Variants in TRIM2 observed in about 807,000 individuals in gnomAD.
TRIM2 encodes tripartite motif containing 2, also known as tripartite motif-containing protein 2.
TRIM2 carries 20 observed loss-of-function variants against 75.2 expected under a neutral mutation model. The observed-to-expected ratio is 0.27, with a 90% CI of 0.19 to 0.39. TRIM2 has a LOEUF of 0.39. TRIM2 is among the 10% of genes least tolerant of loss of function. The pLI, the probability that TRIM2 is intolerant of heterozygous loss-of-function variation, is 1.00. For synonymous variants in TRIM2, 373 were observed against 388.3 expected, an observed-to-expected ratio of 0.96 and a Z score of 0.46; for missense variants, 660 against 990.8, an observed-to-expected ratio of 0.67 and a Z score of 4.48.
At chr4:153,169,032 T>C (rs1730580849) in intron 1 of TRIM2, among the ~76,000 whole-genome samples, 1 of 152,162 alleles carries the variant, frequency 6.6e-6, no homozygotes, top group Non-Finnish European at 1.5e-5. Context: ...AGTGAGCTGA[T>C]TGTACCACTG....
At chr4:153,216,369 C>T (rs1284580010) in intron 1 of TRIM2, among the ~76,000 whole-genome samples, 1 of 152,152 alleles carries the variant, frequency 6.6e-6, no homozygotes, top group Non-Finnish European at 1.5e-5. Flanking sequence ...TATTTTAGTA[C>T]TTACTTTCCT....
chr4:153,233,365 G>T (rs1744167429), intron 1 of TRIM2, among the ~76,000 whole-genome samples: 1 of 152,096 alleles, frequency 6.6e-6, no homozygotes, highest in African/African-American at 2.4e-5. Context: ...AAATGGTGTG[G>T]GGGGTTTTTA....
chr4:153,285,871 C>G (rs1380339151), intron 3 of TRIM2, among the ~76,000 whole-genome samples: 2 of 151,900 alleles, frequency 1.3e-5, no homozygotes, highest in African/African-American at 2.4e-5. Flanking sequence ...CATTTTATTT[C>G]TTTTTCTTGC....
Position 153,335,887 on chromosome 4 carries a change from A to G in TRIM2, c.*921A>G. 7.1e-6 allele frequency: 7 copies of G among 985,852 alleles called. No individual in the cohort carries two copies. The highest frequency in any genetic ancestry group is 1.7e-5 in the African/African-American group (1 of 57,352). The allele number at this position is 985,852 out of a possible 1,614,324, so 61.1% of individuals were successfully genotyped here. ...CAAATGTCAGCACATGTAGTAGGAC[A>G]CCAGTATCCTAGGACAGAGAGCCAT... On this transcript the variant is annotated 3_prime_UTR_variant, in exon 12 of 12. Coordinates refer to ENST00000338700, the MANE Select transcript of TRIM2 (RefSeq NM_015271.5).
chr4:153,316,110 C>T (rs1299427383), intron 8 of TRIM2, 111 bp downstream of exon 8: 6 of 1,029,050 alleles, frequency 5.8e-6, no homozygotes, highest in Non-Finnish European at 8.2e-6. Flanking sequence ...AACAATTCTT[C>T]ATACACAAAG....
intron 1 of TRIM2, among the ~76,000 whole-genome samples, chr4:153,221,953 AAGG>A (rs781047617): frequency 2.5e-4 from 21 of 83,888 alleles, no homozygotes; most frequent in Non-Finnish European, 4.6e-4. Context: ...GTGAGGAAGG[AAGG>A]AAAGAGGGAG....
intron 1 of TRIM2, among the ~76,000 whole-genome samples, chr4:153,265,976 AACAG>A (rs1020329773): frequency 2.0e-5 from 3 of 152,278 alleles, no homozygotes; most frequent in Non-Finnish European, 4.4e-5. Context: ...TGGTTAAGAA[AACAG>A]ACAGGCTCTC....
chr4:153,308,689 C>G (rs1347618502), intron 6 of TRIM2: 1 of 566,520 alleles, frequency 1.8e-6, no homozygotes, highest in East Asian at 4.7e-5. Flanking sequence ...TTTGACTGAC[C>G]CAAATGCACT....
intron 1 of TRIM2, among the ~76,000 whole-genome samples, chr4:153,255,398 T>G (rs1349995590): frequency 6.6e-6 from 1 of 152,142 alleles, no homozygotes; most frequent in Non-Finnish European, 1.5e-5. Context: ...AAGAAGAGAA[T>G]GAGAGAGATC....
intron 1 of TRIM2, among the ~76,000 whole-genome samples, chr4:153,269,362 C>T (rs932491631): frequency 3.9e-5 from 6 of 152,176 alleles, no homozygotes; most frequent in Admixed American, 3.9e-4. Flanking sequence ...GCAAGATCAT[C>T]TCCTTGCAGT....
intron 1 of TRIM2, among the ~76,000 whole-genome samples, chr4:153,157,450 A>G (rs977949545): frequency 6.6e-6 from 1 of 152,166 alleles, no homozygotes; most frequent in Admixed American, 6.5e-5. Context: ...GCCCAGGGAA[A>G]AGGAAAGGAA....
At chr4:153,231,881 C>A (rs1217690992) in intron 1 of TRIM2, among the ~76,000 whole-genome samples, 1 of 152,140 alleles carries the variant, frequency 6.6e-6, no homozygotes, top group African/African-American at 2.4e-5. Context: ...CCCTAAAGAC[C>A]TACACTGTAC....
At chr4:153,308,600 T>C (rs1021194812) in intron 6 of TRIM2, 1 of 651,096 alleles carries the variant, frequency 1.5e-6, no homozygotes, top group African/African-American at 1.8e-5. Context: ...TTGACAGTGG[T>C]GATCTCATCC....
At chr4:153,289,596 A>G (rs1417999109) in intron 3 of TRIM2, among the ~76,000 whole-genome samples, 3 of 152,154 alleles carry the variant, frequency 2.0e-5, no homozygotes, top group Non-Finnish European at 4.4e-5. Flanking sequence ...CTGTCTTCCA[A>G]TGAGTATTCT....
chr4:153,316,889 T>TTTTTTG (rs1767732559), intron 8 of TRIM2, among the ~76,000 whole-genome samples: 1 of 130,614 alleles, frequency 7.7e-6, no homozygotes, highest in African/African-American at 3.1e-5. Flanking sequence ...TTTTTTTTTT[T>TTTTTTG]TTTTTTTTTG....
intron 6 of TRIM2, among the ~76,000 whole-genome samples, chr4:153,298,751 T>C (rs1298905364): frequency 1.3e-5 from 2 of 152,176 alleles, no homozygotes; most frequent in Admixed American, 6.5e-5. Context: ...TTCTTGTTAT[T>C]GAAACAGGGC....
upstream of TRIM2, among the ~76,000 whole-genome samples, chr4:153,202,817 G>A: frequency 6.7e-6 from 1 of 150,372 alleles, no homozygotes; most frequent in South Asian, 2.1e-4. Flanking sequence ...TTTAAAAGGG[G>A]AATTTAAGGC....
At chr4:153,154,877 C>T (rs571633175) in intron 1 of TRIM2, among the ~76,000 whole-genome samples, 4 of 152,284 alleles carry the variant, frequency 2.6e-5, no homozygotes, top group South Asian at 4.1e-4. Context: ...CAGTGGCTCA[C>T]GCCTGTATTC....
At chr4:153,158,282 G>C (rs1469871593) in intron 1 of TRIM2, among the ~76,000 whole-genome samples, 1 of 152,070 alleles carries the variant, frequency 6.6e-6, no homozygotes, top group Non-Finnish European at 1.5e-5. Flanking sequence ...TCCCTGTCCT[G>C]ATCAATAATT....
Sources: gnomAD v4.1 joint callset for allele counts (sites outside exome capture counted in the v4.1 genomes callset) on GRCh38, gnomAD v4.1.1 for gene constraint, MANE v1.5 for transcripts, NCBI Gene and HGNC (gene_info 2026-07-23, HGNC 2026-07-21) for gene names.